RIMS2: variants seen among roughly 807,000 people sequenced by gnomAD.
RIMS2 encodes regulating synaptic membrane exocytosis 2.
In RIMS2, 59 loss-of-function variants were observed where a neutral mutation model predicts 174.4. That is an observed-to-expected ratio of 0.34 (90% confidence interval 0.27 to 0.42). RIMS2 has a LOEUF of 0.42. RIMS2 is among the 10% of genes least tolerant of loss of function. The pLI is 1.00. For missense variants in RIMS2, 1,620 were observed against 1,666.3 expected, an observed-to-expected ratio of 0.97 and a Z score of 0.48; for synonymous variants, 606 against 572.5, an observed-to-expected ratio of 1.06 and a Z score of -0.84.
chr8:103,590,276 A>G (rs760893332), intron 1 of RIMS2, among the ~76,000 whole-genome samples: 9 of 151,596 alleles, frequency 5.9e-5, no homozygotes, highest in Middle Eastern at 3.4e-3. Flanking sequence ...TCACCAAAAA[A>G]CTGTTAGAAC....
At chr8:103,862,294 G>A (rs761865767) in intron 3 of RIMS2, among the ~76,000 whole-genome samples, 25 of 151,818 alleles carry the variant, frequency 1.6e-4, no homozygotes, top group Non-Finnish European at 2.6e-4. Context: ...GTAGATACTC[G>A]GTTTTATTTC....
At chr8:103,580,954 C>T (rs9656852) in intron 1 of RIMS2, among the ~76,000 whole-genome samples, 1,909 of 151,352 alleles carry the variant, frequency 0.013, 34 homozygotes, top group African/African-American at 0.04. Flanking sequence ...CTCAGCCTCC[C>T]GGGTAGCTGG....
intron 19 of RIMS2, among the ~76,000 whole-genome samples, chr8:104,060,807 C>G (rs887850634): frequency 6.6e-6 from 1 of 152,124 alleles, no homozygotes; most frequent in African/African-American, 2.4e-5. Context: ...ATCTTTATTT[C>G]TGCCTTCATT....
At chr8:104,049,703 G>T (rs1309972720) in intron 19 of RIMS2, among the ~76,000 whole-genome samples, 1 of 151,874 alleles carries the variant, frequency 6.6e-6, no homozygotes, top group African/African-American at 2.4e-5. Flanking sequence ...AAAAATAAAT[G>T]ACCAGCCAAA....
intron 19 of RIMS2, among the ~76,000 whole-genome samples, chr8:104,096,299 T>A (rs1325707502): frequency 6.6e-6 from 1 of 152,196 alleles, no homozygotes; most frequent in African/African-American, 2.4e-5. Context: ...CTGCCATACC[T>A]GGCTTGCTAG....
intron 3 of RIMS2, among the ~76,000 whole-genome samples, chr8:103,829,902 A>G (rs1288451858): frequency 2.0e-5 from 3 of 152,148 alleles, no homozygotes; most frequent in African/African-American, 7.2e-5. Context: ...AAATAATACA[A>G]ATTTTAAGAA....
chr8:103,734,422 A>T (rs2097657658), intron 2 of RIMS2, among the ~76,000 whole-genome samples: 1 of 141,552 alleles, frequency 7.1e-6, no homozygotes, highest in South Asian at 2.2e-4. Flanking sequence ...ATTTTTGGGG[A>T]TATATTTTAT....
rs35477375 is a variant in RIMS2 at position 103,711,897 on chromosome 8, A to AATAT, written c.387+14616_387+14619dup. ...AGCAACAGAGCCGGACCCCATCTGA[A>AATAT]ATATATATATATATATATCACACTT... is the stretch of plus-strand genomic sequence containing the variant. On this transcript the variant is annotated intron_variant, in intron 2 of 23. Coordinates refer to ENST00000504942, the Ensembl canonical transcript of RIMS2. Among the ~76,000 whole-genome samples the AATAT allele has an allele frequency of 8.3e-3, 1,244 of 149,164 alleles. 11 individuals carry two copies. The highest frequency in any genetic ancestry group is 0.021 in the South Asian group (97 of 4,694).
At chr8:103,573,062 T>C (rs2092950223) in intron 1 of RIMS2, among the ~76,000 whole-genome samples, 1 of 145,622 alleles carries the variant, frequency 6.9e-6, no homozygotes, top group South Asian at 2.1e-4. Flanking sequence ...AAGTCTTCAA[T>C]CCAATTTTTT....
chr8:104,007,236 A>G lies in RIMS2; in HGVS notation c.3045-6206A>G, dbSNP rs1266028168. 3.3e-5 allele frequency among the ~76,000 whole-genome samples: 5 copies of G among 152,208 alleles called. No individual in the cohort carries two copies. In the East Asian group the frequency reaches 9.7e-4, roughly 29 times the overall value. ...TATATTGTGATTTGTAATGTTTATC[A>G]TTCATACCTTCTTCTCTATTTCCAC... On this transcript the variant is annotated intron_variant, in intron 17 of 23. Coordinates refer to ENST00000504942, the Ensembl canonical transcript of RIMS2.
intron 1 of RIMS2, chr8:103,652,648 T>C: frequency 7.4e-7 from 1 of 1,350,468 alleles, no homozygotes; most frequent in South Asian, 1.1e-5. Flanking sequence ...GTGGAATCAC[T>C]GAACTGGTAA....
At chr8:104,253,861 G>T (rs1437436099), downstream of RIMS2, 1 of 152,102 alleles carries the variant, frequency 6.6e-6, no homozygotes, top group Non-Finnish European at 1.5e-5. Flanking sequence ...AAGTTAAAAT[G>T]AGTATCACTA....
intron 19 of RIMS2, among the ~76,000 whole-genome samples, chr8:104,157,787 T>C (rs1228182623): frequency 1.3e-5 from 2 of 152,194 alleles, no homozygotes; most frequent in African/African-American, 4.8e-5. Flanking sequence ...TATATGGGGG[T>C]ACAAATATTT....
intron 1 of RIMS2, among the ~76,000 whole-genome samples, chr8:103,662,707 T>TATC (rs990009144): frequency 1.3e-5 from 2 of 152,006 alleles, no homozygotes; most frequent in Non-Finnish European, 2.9e-5. Flanking sequence ...TCTATCTATC[T>TATC]ATCTATCTAT....
chr8:104,158,507 C>G (rs1186887556), intron 19 of RIMS2, among the ~76,000 whole-genome samples: 1 of 152,218 alleles, frequency 6.6e-6, no homozygotes, highest in Non-Finnish European at 1.5e-5. Context: ...AATTTACACT[C>G]CTACCAACAG....
intron 19 of RIMS2, among the ~76,000 whole-genome samples, chr8:104,170,732 T>C (rs1371692477): frequency 1.3e-5 from 2 of 151,942 alleles, no homozygotes; most frequent in Non-Finnish European, 2.9e-5. Context: ...TTTTTCAATG[T>C]GTTATTGTTT....
In RIMS2 at chr8:104,144,896, T is replaced by C. The variant is rs914947055; in HGVS notation, c.3335-100020T>C. Among the ~76,000 whole-genome samples the C allele has an allele frequency of 3.9e-5, 6 of 152,192 alleles. No homozygotes were observed. In the East Asian group the frequency reaches 1.2e-3, roughly 29 times the overall value. ...ACTCTGGGATTTGAATTTACCTGTGTCCCCTAGTAGTAGGGTAATTCCATA... is the reference window on the plus strand; with the variant it reads ...ACTCTGGGATTTGAATTTACCTGTGCCCCCTAGTAGTAGGGTAATTCCATA... On this transcript the variant is annotated intron_variant, in intron 19 of 23. Coordinates refer to ENST00000504942, the Ensembl canonical transcript of RIMS2.
chr8:103,663,983 A>G (rs977167766), intron 1 of RIMS2, among the ~76,000 whole-genome samples: 6 of 152,312 alleles, frequency 3.9e-5, no homozygotes, highest in South Asian at 2.1e-4. Flanking sequence ...AACACCATAC[A>G]TCTACAACCA....
chr8:103,653,553 G>A (rs558562617), intron 1 of RIMS2, among the ~76,000 whole-genome samples: 31 of 152,176 alleles, frequency 2.0e-4, no homozygotes, highest in South Asian at 4.1e-4. Context: ...TGTAGGAATG[G>A]ACAAGTTGAC....
Sources: allele counts gnomAD v4.1 joint callset (sites outside exome capture counted in the v4.1 genomes callset), GRCh38; gene constraint gnomAD v4.1.1; transcripts MANE v1.5; gene names NCBI Gene and HGNC (gene_info 2026-07-23, HGNC 2026-07-21).